The following ZNF260 variants were observed in gnomAD, a reference collection of about 807,000 sequenced individuals.
The protein encoded by ZNF260 is zfp-260.
A neutral mutation model predicts 29.3 loss-of-function variants in ZNF260; 21 were observed. The ratio of observed to expected loss-of-function variants is 0.72; its 90% CI spans 0.51 to 1.03. The LOEUF (loss-of-function observed/expected upper bound fraction) is 1.03. Among genes scored for constraint, ZNF260 ranks in the 50% least tolerant of loss-of-function variants. The probability of loss-of-function intolerance (pLI) is 0.00; values close to 1 mark genes in which losing one functional copy is unlikely to be tolerated. For missense variants in ZNF260, 465 were observed against 487.8 expected, an observed-to-expected ratio of 0.95 and a Z score of 0.44; for synonymous variants, 156 against 156.8, an observed-to-expected ratio of 0.99 and a Z score of 0.04.
chr19:36,519,437 A>C (rs1180758253), intron 2 of ZNF260, among the ~76,000 whole-genome samples: 1 of 152,204 alleles, frequency 6.6e-6, no homozygotes, highest in Non-Finnish European at 1.5e-5. Context: ...TGGGTATAAC[A>C]TACTGGGGGT....
intron 1 of ZNF260, among the ~76,000 whole-genome samples, chr19:36,526,552 A>G (rs1212401655): frequency 6.6e-6 from 1 of 152,192 alleles, no homozygotes; most frequent in African/African-American, 2.4e-5. Context: ...AAAAATAAAA[A>G]TAAAGTGAAT....
At chr19:36,519,321 T>C (rs2034603011) in intron 2 of ZNF260, among the ~76,000 whole-genome samples, 1 of 152,114 alleles carries the variant, frequency 6.6e-6, no homozygotes, top group Admixed American at 6.6e-5. Context: ...AATCATTTGG[T>C]TTACCAGTCA....
chr19:36,514,239 A>G lies in ZNF260; in HGVS notation c.1000T>C (p.Cys334Arg), dbSNP rs1401764867. The G allele has an allele frequency of 6.8e-6, 11 of 1,614,022 alleles. No homozygotes were observed. Among genetic ancestry groups the G allele is most frequent in the African/African-American group, 1.3e-5 (1 of 74,932 alleles). ...CAGAAGGCTTTCCCACAGACCTTAC[A>G]CTCATAAGGCTTATCACCTGTATGA... ...RIHTGDKPYE[C>R]KVCGKAFCQS... is the part of the protein sequence containing the mutation. The change falls in exon 3 of 3, where the codon TGT becomes CGT. Residue 334 changes from cysteine (C) to arginine (R), a missense_variant. By Grantham distance (180) the Cys-to-Arg change is radical. Transcript: ENST00000523638.
rs867544695 is a variant in ZNF260, at chr19:36,514,558, T to A, written c.681A>T (p.Lys227Asn). The A allele has an allele frequency of 1.2e-6, 2 of 1,614,026 alleles. No individual in the cohort carries two copies. The highest frequency in any genetic ancestry group is 3.3e-5 in the Admixed American group (2 of 59,990). The change falls in exon 3 of 3, where the codon AAA (lysine) becomes AAT (asparagine). Residue 227 changes from lysine to asparagine, a missense_variant. Coordinates refer to ENST00000523638, the MANE Select transcript of ZNF260 (RefSeq NM_001166037.2). ...TGAGGCTTGACTTCTGAATGAAAGC[T>A]TTCCCACACCCTTTACATTCATAAG... ...EKPYECKGCG[K>N]AFIQKSSLIR...
rs143083970 is a variant in ZNF260, at chr19:36,524,696, G to C, written c.-462+459C>G. On this transcript the variant is annotated intron_variant, in intron 2 of 2. Transcript: ENST00000523638. ...AGTGTTTGTGTCCCTGGGTACTTAA[G>C]ATTAGGGAGTGGTGATGACTCTTAA... Among the ~76,000 whole-genome samples the C allele has an allele frequency of 6.6e-5, 10 of 151,982 alleles. No homozygotes were observed. The East Asian group carries it at 1.5e-3, about 24-fold the overall frequency.
intron 2 of ZNF260, among the ~76,000 whole-genome samples, chr19:36,523,438 G>A (rs1056341336): frequency 1.3e-5 from 2 of 152,048 alleles, no homozygotes; most frequent in African/African-American, 4.8e-5. Context: ...AAAACATTTA[G>A]AAGCATACAG....
chr19:36,523,731 C>T (rs1410630951), intron 2 of ZNF260, among the ~76,000 whole-genome samples: 3 of 151,852 alleles, frequency 2.0e-5, no homozygotes, highest in Non-Finnish European at 4.4e-5. Context: ...GCGTGTGCCA[C>T]CTCGCCAGGC....
At position 36,521,669 on chromosome 19, in the gene ZNF260, G is replaced by A. The variant is rs193258587; in HGVS notation, c.-462+3486C>T. ...CTCAGGAGGCTGAGGCAAAAGAATC[G>A]CTTGAACCCGGGAGGCAGACATTGT... is the stretch of plus-strand genomic sequence containing the variant. On this transcript the variant is annotated intron_variant, in intron 2 of 2. Coordinates refer to ENST00000523638, the MANE Select transcript of ZNF260 (RefSeq NM_001166037.2). 1.1e-4 allele frequency among the ~76,000 whole-genome samples: 17 copies of A among 152,198 alleles called. No homozygotes were observed. The South Asian group carries it at 2.3e-3, about 20-fold the overall frequency.
In ZNF260 at chr19:36,515,060, C is replaced by A; in HGVS notation, c.179G>T (p.Cys60Phe). 6.2e-7 allele frequency: 1 copy of A among 1,614,110 alleles called. No homozygotes were observed. The highest frequency in any genetic ancestry group is 1.3e-5 in the African/African-American group (1 of 75,050). The change falls in exon 3 of 3, where the codon TGT (cysteine) becomes TTT (phenylalanine). Residue 60 changes from cysteine to phenylalanine, a missense_variant. Physicochemically the swap from Cys to Phe is radical, Grantham distance 205. Transcript: ENST00000523638. The stretch of plus-strand genomic sequence containing the variant: ...TGAGACTCGAGAGCACACTTTACCA[C>A]ATTCAGTGCATTCATGAGATTTCTC... ...TGEKSHECTECGKVCSRVSSL... is the reference protein window; with the variant it reads ...TGEKSHECTEFGKVCSRVSSL...
chr19:36,515,455 C>A lies in ZNF260; in HGVS notation c.-217G>T. On this transcript the variant is annotated 5_prime_UTR_variant, in exon 3 of 3. Transcript: ENST00000523638. Reference sequence around the variant, plus strand: ...TAAAATGTAACATTCTCTTTATATTCTTAATGGTTCTTATATAGCTTCTCC... The same window carrying A: ...TAAAATGTAACATTCTCTTTATATTATTAATGGTTCTTATATAGCTTCTCC... The A allele has an allele frequency of 4.2e-6, 2 of 474,228 alleles. No homozygotes were observed. Among genetic ancestry groups the A allele is most frequent in the Non-Finnish European group, 7.6e-6 (2 of 264,532 alleles). The allele number at this position is 474,228 out of a possible 1,614,324, so 29.4% of individuals were successfully genotyped here.
rs1410296585 is a variant in ZNF260, at chr19:36,512,868, G to A, written c.*1132C>T. 1 of 152,076 alleles carries A rather than the reference G, an allele frequency of 6.6e-6. No homozygotes were observed. Among genetic ancestry groups the A allele is most frequent in the Non-Finnish European group, 1.5e-5 (1 of 67,998 alleles). The allele number at this position is 152,076 out of a possible 1,614,324, so 9.4% of individuals were successfully genotyped here. ...TGGTGCAATGAACTATACAGCTATA[G>A]ACCAGTACATGACTCCCTGTGTTCA... is the stretch of plus-strand genomic sequence containing the variant. On this transcript the variant is annotated 3_prime_UTR_variant, in exon 3 of 3. Coordinates refer to ENST00000523638, the MANE Select transcript of ZNF260 (RefSeq NM_001166037.2).
chr19:36,516,342 T>C (rs868230798), intron 2 of ZNF260, among the ~76,000 whole-genome samples: 1 of 152,288 alleles, frequency 6.6e-6, no homozygotes, highest in Middle Eastern at 3.4e-3. Context: ...ACACCTATAA[T>C]CCCAGCACTT....
rs1412412517 is a variant in ZNF260, at chr19:36,514,724, G to A, written c.515C>T (p.Ala172Val). ...AATGAGGTATTGCTTCTGGCTGAAG[G>A]CTCTTCCACACTGATTACATTCAAA... Reference protein sequence around the residue: ...KPFECNQCGRAFSQKQYLIKH... With the variant: ...KPFECNQCGRVFSQKQYLIKH... The change falls in exon 3 of 3, where the codon GCC becomes GTC. Residue 172 changes from alanine (A) to valine (V), a missense_variant. Coordinates refer to ENST00000523638, the MANE Select transcript of ZNF260 (RefSeq NM_001166037.2). 2 of 1,613,478 alleles carry A rather than the reference G, an allele frequency of 1.2e-6. No homozygotes were observed. Among genetic ancestry groups the A allele is most frequent in the East Asian group, 2.2e-5 (1 of 44,866 alleles).
intron 2 of ZNF260, among the ~76,000 whole-genome samples, chr19:36,524,542 A>ATTTTTTT (rs1356484401): frequency 1.0e-4 from 4 of 39,550 alleles, no homozygotes; most frequent in African/African-American, 1.8e-4. Flanking sequence ...TTTATTGATC[A>ATTTTTTT]TTCTTGGGTG....
Position 36,514,579 on chromosome 19 carries a change from A to G in ZNF260, c.660T>C (p.Tyr220=). ...AAGCTTTCCCACACCCTTTACATTCATAAGGTTTCTCTCCAGTATGGATTC... is the reference window on the plus strand; with the variant it reads ...AAGCTTTCCCACACCCTTTACATTCGTAAGGTTTCTCTCCAGTATGGATTC... ...HQRIHTGEKP[Y]ECKGCGKAFI... The change falls in exon 3 of 3, where the codon TAT becomes TAC. Residue 220 remains tyrosine, a synonymous_variant. Coordinates refer to ENST00000523638, the MANE Select transcript of ZNF260 (RefSeq NM_001166037.2). 1 of 1,614,116 alleles carries G rather than the reference A, an allele frequency of 6.2e-7. No individual in the cohort carries two copies. The highest frequency in any genetic ancestry group is 8.5e-7 in the Non-Finnish European group (1 of 1,180,020).
intron 2 of ZNF260, among the ~76,000 whole-genome samples, chr19:36,516,747 T>G (rs750328672): frequency 6.6e-6 from 1 of 152,110 alleles, no homozygotes; most frequent in Non-Finnish European, 1.5e-5. Flanking sequence ...CCCTGCCAAT[T>G]TTTTGTATTT....
rs1276649599 is a variant in ZNF260 at position 36,525,393 on chromosome 19, A to G, written c.-680-20T>C. 1 of 152,380 alleles carries G rather than the reference A, an allele frequency of 6.6e-6. No homozygotes were observed. Among genetic ancestry groups the G allele is most frequent in the East Asian group, 1.9e-4 (1 of 5,190 alleles). 9.4% of individuals were successfully genotyped at this position (152,380 alleles called of 1,614,324 possible). A position where few individuals can be genotyped will look rare whatever the true frequency, so the allele number is the denominator to read the frequency against. ...GCAGGCCTGTGAAAAAGAACAAAGT[A>G]ATGATGATTCTTTGGCTTTGACCTA... is the stretch of plus-strand genomic sequence containing the variant. On this transcript the variant is annotated intron_variant, in intron 1 of 2. Transcript: ENST00000523638.
intron 2 of ZNF260, among the ~76,000 whole-genome samples, chr19:36,521,555 C>T (rs530187328): frequency 6.6e-6 from 1 of 151,072 alleles, no homozygotes; most frequent in East Asian, 2.0e-4. Flanking sequence ...GAGTTCGAGA[C>T]CAGTCTGGCC....
At chr19:36,519,653 T>C (rs1002846219) in intron 2 of ZNF260, among the ~76,000 whole-genome samples, 1 of 152,170 alleles carries the variant, frequency 6.6e-6, no homozygotes, top group Non-Finnish European at 1.5e-5. Context: ...GCCCATACAG[T>C]AGCCTGTTCC....
Sources: allele counts gnomAD v4.1 joint callset (sites outside exome capture counted in the v4.1 genomes callset), GRCh38; gene constraint gnomAD v4.1.1; transcripts MANE v1.5; gene names NCBI Gene and HGNC (gene_info 2026-07-23, HGNC 2026-07-21).